The following LRRC8D variants were observed in gnomAD, a reference collection of about 807,000 sequenced individuals.
LRRC8D encodes the protein leucine rich repeat containing 8 VRAC subunit D, also known as volume-regulated anion channel subunit LRRC8D.
A neutral mutation model predicts 55.8 loss-of-function variants in LRRC8D; 20 were observed. The observed-to-expected ratio is 0.36, with a 90% CI of 0.25 to 0.52. LRRC8D has a LOEUF of 0.52. Among genes scored for constraint, LRRC8D ranks in the 20% least tolerant of loss-of-function variants. The pLI is 0.93. For missense variants in LRRC8D, 651 were observed against 1,030.8 expected, an observed-to-expected ratio of 0.63 and a Z score of 5.05; for synonymous variants, 352 against 377.0, an observed-to-expected ratio of 0.93 and a Z score of 0.77.
intron 2 of LRRC8D, among the ~76,000 whole-genome samples, chr1:89,847,145 G>T (rs563276992): frequency 6.6e-6 from 1 of 152,270 alleles, no homozygotes; most frequent in South Asian, 2.1e-4. Flanking sequence ...AGCGCTTAAA[G>T]TTGAGGCTCT....
In LRRC8D at chr1:89,831,648, G is replaced by A. The variant is rs1261872401; in HGVS notation, c.-148+10357G>A. On this transcript the variant is annotated intron_variant, in intron 1 of 2. Coordinates refer to ENST00000337338, the MANE Select transcript of LRRC8D (RefSeq NM_001134479.2). ...AGTGCAGAATCTATGTTGGCAGGGG[G>A]CAAAGAGTGCTATTATTTTGCAATT... 2.0e-5 allele frequency among the ~76,000 whole-genome samples: 3 copies of A among 152,098 alleles called. No homozygotes were observed. The South Asian group carries it at 6.2e-4, about 32-fold the overall frequency.
At position 89,854,378 on chromosome 1, in the gene LRRC8D, A is replaced by AG. The variant is rs1661498175; in HGVS notation, c.-3+10598dup. 5.0e-5 allele frequency among the ~76,000 whole-genome samples: 5 copies of AG among 99,914 alleles called. No homozygotes were observed. In the East Asian group the frequency reaches 2.4e-3, roughly 47 times the overall value. The allele number at this position is 99,914 out of a possible 152,430, so 65.5% of individuals were successfully genotyped here. ...GTCAGTGGTGGTTAGGTGCTGACGG[A>AG]GGATTTTTTTTTTTCTGTTTGATAG... On this transcript the variant is annotated intron_variant, in intron 2 of 2. Coordinates refer to ENST00000337338, the MANE Select transcript of LRRC8D (RefSeq NM_001134479.2).
At chr1:89,868,793 C>T (rs997757441) in intron 2 of LRRC8D, among the ~76,000 whole-genome samples, 1 of 152,222 alleles carries the variant, frequency 6.6e-6, no homozygotes, top group Non-Finnish European at 1.5e-5. Context: ...GTGCTCTCAA[C>T]CACTGAACAC....
chr1:89,846,501 C>T (rs943659857), intron 2 of LRRC8D: 2 of 152,100 alleles, frequency 1.3e-5, no homozygotes, highest in East Asian at 1.9e-4. Flanking sequence ...TGATGTAATC[C>T]GTGGTTCTTT....
intron 2 of LRRC8D, among the ~76,000 whole-genome samples, chr1:89,922,872 A>C (rs1253093604): frequency 1.3e-5 from 2 of 152,216 alleles, no homozygotes; most frequent in Non-Finnish European, 2.9e-5. Flanking sequence ...CTTTATGGAG[A>C]TAAAATTTAC....
intron 2 of LRRC8D, among the ~76,000 whole-genome samples, chr1:89,860,809 T>TATATATATAC (rs970678615): frequency 5.5e-4 from 58 of 105,518 alleles, no homozygotes; most frequent in South Asian, 2.8e-3. Flanking sequence ...TATATATATA[T>TATATATATAC]ACACACACAG....
At chr1:89,926,818 C>T (rs924899537) in intron 2 of LRRC8D, among the ~76,000 whole-genome samples, 2 of 152,208 alleles carry the variant, frequency 1.3e-5, no homozygotes, top group Non-Finnish European at 2.9e-5. Context: ...AAAAGGTAAT[C>T]TGGTAGGAAG....
At chr1:89,875,608 C>T (rs1662126918) in intron 2 of LRRC8D, among the ~76,000 whole-genome samples, 1 of 152,148 alleles carries the variant, frequency 6.6e-6, no homozygotes, top group Non-Finnish European at 1.5e-5. Context: ...TCATATACAA[C>T]AGTGTAACTT....
At chr1:89,838,192 C>G (rs1382444537) in intron 1 of LRRC8D, among the ~76,000 whole-genome samples, 1 of 43,836 alleles carries the variant, frequency 2.3e-5, no homozygotes, top group Admixed American at 3.7e-4. Flanking sequence ...AAACCCCTGT[C>G]CCTTAAAAAA....
intron 2 of LRRC8D, among the ~76,000 whole-genome samples, chr1:89,851,968 AG>A (rs1661429834): frequency 2.6e-5 from 4 of 151,840 alleles, no homozygotes. Flanking sequence ...CTTGGCCAAT[AG>A]TTATAGGATT....
chr1:89,850,629 C>G (rs1365639173), intron 2 of LRRC8D, among the ~76,000 whole-genome samples: 1 of 152,174 alleles, frequency 6.6e-6, no homozygotes, highest in African/African-American at 2.4e-5. Context: ...TTTTTATGTT[C>G]TTTTTTATCA....
At chr1:89,932,089 C>T (rs1049470047) in intron 2 of LRRC8D, among the ~76,000 whole-genome samples, 18 of 152,162 alleles carry the variant, frequency 1.2e-4, no homozygotes, top group African/African-American at 4.3e-4. Flanking sequence ...GGATGATTGT[C>T]CTTGTCCTTT....
intron 2 of LRRC8D, among the ~76,000 whole-genome samples, chr1:89,914,738 T>C (rs999890859): frequency 9.9e-5 from 15 of 152,042 alleles, no homozygotes; most frequent in African/African-American, 3.6e-4. Context: ...TTATTGTCTT[T>C]TTAAAAATTT....
At chr1:89,821,808 G>A (rs1408433945) in intron 1 of LRRC8D, 1 of 152,014 alleles carries the variant, frequency 6.6e-6, no homozygotes. Flanking sequence ...AGCCCGGCGG[G>A]CGGGGGCGGG....
chr1:89,829,378 G>A (rs2100703101), intron 1 of LRRC8D, among the ~76,000 whole-genome samples: 1 of 152,314 alleles, frequency 6.6e-6, no homozygotes, highest in South Asian at 2.1e-4. Flanking sequence ...CTCTACGGAT[G>A]AGGTCATAAG....
intron 1 of LRRC8D, among the ~76,000 whole-genome samples, chr1:89,841,396 A>ACCCCCC (rs56089566): frequency 1.4e-5 from 2 of 144,480 alleles, no homozygotes; most frequent in East Asian, 2.1e-4. Context: ...TGTCAAGACC[A>ACCCCCC]CCCCCCCCCT....
chr1:89,905,187 T>C (rs1324813241), intron 2 of LRRC8D, among the ~76,000 whole-genome samples: 5 of 152,192 alleles, frequency 3.3e-5, no homozygotes, highest in Admixed American at 1.3e-4. Flanking sequence ...TTGAAGAAAC[T>C]TTTCAAGGGG....
chr1:89,919,554 G>A (rs2100967088), intron 2 of LRRC8D, among the ~76,000 whole-genome samples: 1 of 152,300 alleles, frequency 6.6e-6, no homozygotes, highest in East Asian at 1.9e-4. Flanking sequence ...CCATTTTGCA[G>A]ATGGAAAGAA....
chr1:89,861,543 G>A (rs1661721111), intron 2 of LRRC8D, among the ~76,000 whole-genome samples: 1 of 152,132 alleles, frequency 6.6e-6, no homozygotes, highest in South Asian at 2.1e-4. Context: ...TGGTGCCAGG[G>A]ATTCCCTGAG....
Sources: allele counts gnomAD v4.1 joint callset (sites outside exome capture counted in the v4.1 genomes callset), GRCh38; gene constraint gnomAD v4.1.1; transcripts MANE v1.5; gene names NCBI Gene and HGNC (gene_info 2026-07-23, HGNC 2026-07-21).